The following ZNF385D variants were observed in gnomAD, a reference collection of about 807,000 sequenced individuals.
ZNF385D encodes the protein zinc finger protein 659.
ZNF385D carries 15 observed loss-of-function variants against 35.8 expected under a neutral mutation model. That is an observed-to-expected ratio of 0.42 (90% CI 0.28 to 0.64). The LOEUF (loss-of-function observed/expected upper bound fraction) is 0.64, where lower values mean the gene tolerates loss of function less well. Ranked by LOEUF, ZNF385D falls within the 30% of genes least tolerant of loss-of-function variation. The pLI is 0.23. For missense variants in ZNF385D, 474 were observed against 494.6 expected, an observed-to-expected ratio of 0.96 and a Z score of 0.39; for synonymous variants, 212 against 186.8, an observed-to-expected ratio of 1.13 and a Z score of -1.10.
intron 2 of ZNF385D, among the ~76,000 whole-genome samples, chr3:22,281,583 G>A (rs1472704692): frequency 6.6e-6 from 1 of 152,054 alleles, no homozygotes; most frequent in African/African-American, 2.4e-5. Context: ...TCCCTTGTAT[G>A]AAATCCACTT....
intron 2 of ZNF385D, among the ~76,000 whole-genome samples, chr3:21,584,190 G>A (rs892287329): frequency 7.0e-6 from 1 of 142,898 alleles, no homozygotes; most frequent in Non-Finnish European, 1.6e-5. Context: ...GTTTGGCCAG[G>A]CTGGTCTCAA....
intron 2 of ZNF385D, among the ~76,000 whole-genome samples, chr3:22,369,858 G>A (rs1696820712): frequency 6.6e-6 from 1 of 152,092 alleles, no homozygotes; most frequent in African/African-American, 2.4e-5. Context: ...GAACTCATAA[G>A]TACTGAATTT....
intron 3 of ZNF385D, among the ~76,000 whole-genome samples, chr3:21,823,373 C>A (rs1385312182): frequency 2.0e-5 from 3 of 152,130 alleles, no homozygotes; most frequent in Admixed American, 1.3e-4. Flanking sequence ...ATCCTAAACA[C>A]TGATTTACTG....
chr3:21,552,926 T>A (rs1367347110), intron 3 of ZNF385D, among the ~76,000 whole-genome samples: 2 of 152,210 alleles, frequency 1.3e-5, no homozygotes, highest in East Asian at 3.8e-4. Flanking sequence ...CCCTTTGTGA[T>A]CACAAGGGTC....
intron 3 of ZNF385D, among the ~76,000 whole-genome samples, chr3:21,835,630 G>C (rs181765295): frequency 3.2e-4 from 48 of 152,100 alleles, no homozygotes; most frequent in Non-Finnish European, 4.6e-4. Flanking sequence ...GGAGAAAGAG[G>C]CATGTAGCCT....
intron 1 of ZNF385D, among the ~76,000 whole-genome samples, chr3:21,720,278 T>C (rs946366989): frequency 1.3e-5 from 2 of 152,170 alleles, no homozygotes; most frequent in African/African-American, 4.8e-5. Flanking sequence ...ATACAAATTC[T>C]GGCCAGGTGC....
Position 21,751,079 on chromosome 3 carries a change from G to T in ZNF385D, c.-163C>A, listed in dbSNP as rs113632612. 1.9e-5 allele frequency: 28 copies of T among 1,503,850 alleles called. No homozygotes were observed. In the African/African-American group the frequency reaches 3.6e-4, roughly 19 times the overall value. The allele number at this position is 1,503,850 out of a possible 1,614,324, so 93.2% of individuals were successfully genotyped here. A position where few individuals can be genotyped will look rare whatever the true frequency, so the allele number is the denominator to read the frequency against. ...GCCTCCTCCGCGGGATGAGCGCCTTGCAGGCTGCCTTTCCAGGGCTAAGAT... is the reference window on the plus strand; with the variant it reads ...GCCTCCTCCGCGGGATGAGCGCCTTTCAGGCTGCCTTTCCAGGGCTAAGAT... On this transcript the variant is annotated 5_prime_UTR_variant, in exon 1 of 8. Coordinates refer to ENST00000281523, the MANE Select transcript of ZNF385D (RefSeq NM_024697.3).
At chr3:22,240,865 A>C (rs1699457009) in intron 2 of ZNF385D, among the ~76,000 whole-genome samples, 1 of 150,948 alleles carries the variant, frequency 6.6e-6, no homozygotes, top group Admixed American at 6.6e-5. Flanking sequence ...ACACAGATCT[A>C]ATCACTCTCT....
At chr3:22,324,451 A>C (rs1694583700) in intron 2 of ZNF385D, among the ~76,000 whole-genome samples, 1 of 152,172 alleles carries the variant, frequency 6.6e-6, no homozygotes, top group Non-Finnish European at 1.5e-5. Context: ...TTTAGAATAG[A>C]AGTCCATTTA....
intron 4 of ZNF385D, among the ~76,000 whole-genome samples, chr3:21,493,577 T>C (rs1705590884): frequency 6.6e-6 from 1 of 152,098 alleles, no homozygotes; most frequent in Non-Finnish European, 1.5e-5. Flanking sequence ...CTTAGTAATA[T>C]AGGGAGAAGC....
At chr3:21,554,163 C>G (rs2062655965) in intron 3 of ZNF385D, among the ~76,000 whole-genome samples, 2 of 152,068 alleles carry the variant, frequency 1.3e-5, no homozygotes, top group Non-Finnish European at 2.9e-5. Context: ...GTAGCTATAG[C>G]CTTAAAAATA....
chr3:22,274,121 A>G (rs193202800), intron 2 of ZNF385D, among the ~76,000 whole-genome samples: 1 of 151,902 alleles, frequency 6.6e-6, no homozygotes, highest in Non-Finnish European at 1.5e-5. Context: ...TGGAAGGGGC[A>G]CATCTAAAGT....
chr3:21,592,466 C>A (rs1053224002), intron 2 of ZNF385D, among the ~76,000 whole-genome samples: 3 of 148,784 alleles, frequency 2.0e-5, no homozygotes, highest in Non-Finnish European at 4.4e-5. Context: ...GAATTACCCT[C>A]TTCTAATTGT....
chr3:21,428,874 G>A (rs890116311), intron 5 of ZNF385D, among the ~76,000 whole-genome samples: 3 of 146,864 alleles, frequency 2.0e-5, no homozygotes, highest in Non-Finnish European at 3.0e-5. Flanking sequence ...ATTTCTGAAA[G>A]GTGAAATCAT....
At chr3:22,320,555 T>C (rs1019876821) in intron 2 of ZNF385D, among the ~76,000 whole-genome samples, 5 of 151,200 alleles carry the variant, frequency 3.3e-5, no homozygotes, top group African/African-American at 1.2e-4. Flanking sequence ...CTATTTTTAA[T>C]GTATACATAG....
At chr3:22,173,856 A>C (rs1694635097) in intron 2 of ZNF385D, among the ~76,000 whole-genome samples, 1 of 152,160 alleles carries the variant, frequency 6.6e-6, no homozygotes, top group African/African-American at 2.4e-5. Flanking sequence ...GAAACGGTTG[A>C]GGGTTGAAAA....
chr3:22,210,842 C>T (rs1352943982), intron 2 of ZNF385D, among the ~76,000 whole-genome samples: 1 of 151,886 alleles, frequency 6.6e-6, no homozygotes, highest in Admixed American at 6.6e-5. Context: ...TACTCTAAGT[C>T]AATGCACTGA....
At chr3:21,671,263 C>A (rs2066568661) in intron 1 of ZNF385D, among the ~76,000 whole-genome samples, 1 of 152,000 alleles carries the variant, frequency 6.6e-6, no homozygotes, top group Non-Finnish European at 1.5e-5. Context: ...GGCCAGCCTG[C>A]AGGCTGCAAA....
At chr3:22,366,222 T>C (rs1427799834) in intron 2 of ZNF385D, among the ~76,000 whole-genome samples, 1 of 152,048 alleles carries the variant, frequency 6.6e-6, no homozygotes, top group Non-Finnish European at 1.5e-5. Flanking sequence ...ATGCTGAGGT[T>C]AAACATAAAG....
Sources: allele counts gnomAD v4.1 joint callset (sites outside exome capture counted in the v4.1 genomes callset), GRCh38; gene constraint gnomAD v4.1.1; transcripts MANE v1.5; gene names NCBI Gene and HGNC (gene_info 2026-07-23, HGNC 2026-07-21).